Variants in NBEA observed in about 807,000 individuals in gnomAD.
NBEA encodes the protein lysosomal-trafficking regulator 2.
In NBEA, 44 loss-of-function variants were observed where a neutral mutation model predicts 343.4. The observed-to-expected ratio is 0.13, with a 90% confidence interval of 0.10 to 0.16. The LOEUF (loss-of-function observed/expected upper bound fraction) is 0.16. Ranked by LOEUF, NBEA falls within the 10% of genes least tolerant of loss-of-function variation. The probability of loss-of-function intolerance (pLI) is 1.00; values close to 1 mark genes in which losing one functional copy is unlikely to be tolerated. For missense variants in NBEA, 2,555 were observed against 3,631.3 expected, an observed-to-expected ratio of 0.70 and a Z score of 7.62; for synonymous variants, 1,175 against 1,238.7, an observed-to-expected ratio of 0.95 and a Z score of 1.08.
At chr13:34,943,670 G>C (rs1233942687) in intron 1 of NBEA, among the ~76,000 whole-genome samples, 1 of 152,222 alleles carries the variant, frequency 6.6e-6, no homozygotes, top group Non-Finnish European at 1.5e-5. Context: ...ATGATGGAGA[G>C]TGTTGTGTCT....
intron 40 of NBEA, among the ~76,000 whole-genome samples, chr13:35,457,533 CATAG>C (rs2046650916): frequency 6.6e-6 from 1 of 152,192 alleles, no homozygotes; most frequent in Non-Finnish European, 1.5e-5. Context: ...CAAATGGAAT[CATAG>C]ATAGACTTTA....
intron 41 of NBEA, among the ~76,000 whole-genome samples, chr13:35,541,897 A>G (rs2078844636): frequency 6.6e-6 from 1 of 152,096 alleles, no homozygotes; most frequent in South Asian, 2.1e-4. Context: ...ATCTCATTCA[A>G]TCGCACAATG....
At chr13:35,272,501 A>G (rs2034243972) in intron 34 of NBEA, among the ~76,000 whole-genome samples, 1 of 152,190 alleles carries the variant, frequency 6.6e-6, no homozygotes, top group African/African-American at 2.4e-5. Flanking sequence ...ATTCACACAT[A>G]ACAATATTAA....
At chr13:35,268,659 C>T (rs568829125) in intron 34 of NBEA, among the ~76,000 whole-genome samples, 2 of 152,182 alleles carry the variant, frequency 1.3e-5, no homozygotes, top group East Asian at 1.9e-4. Flanking sequence ...CAAATTTTAT[C>T]TGTAATCTTG....
chr13:35,119,950 A>G (rs1360390381), intron 16 of NBEA, among the ~76,000 whole-genome samples: 1 of 152,168 alleles, frequency 6.6e-6, no homozygotes, highest in Admixed American at 6.5e-5. Context: ...TGATTTTACA[A>G]AATAATGACA....
At chr13:35,669,210 A>C (rs1407486272) in intron 58 of NBEA, among the ~76,000 whole-genome samples, 1 of 152,220 alleles carries the variant, frequency 6.6e-6, no homozygotes, top group African/African-American at 2.4e-5. Context: ...GGTTTCTTAC[A>C]AAGTGAAAAT....
Position 35,111,120 on chromosome 13 carries a change from G to C in NBEA, c.2002+142G>C, listed in dbSNP as rs2066182053. 1.1e-5 allele frequency: 7 copies of C among 629,252 alleles called. No individual in the cohort carries two copies. In the South Asian group the frequency reaches 4.6e-4, roughly 41 times the overall value. 39.0% of individuals were successfully genotyped at this position (629,252 alleles called of 1,614,324 possible). A position where few individuals can be genotyped will look rare whatever the true frequency, so the allele number is the denominator to read the frequency against. On this transcript the variant is annotated intron_variant, in intron 13 of 58. Transcript: ENST00000379939. ...ATAGCAAACTGGCATATTGAGAATTGTTTGTGGTAAAGAAGTTTAGGGCTT... is the reference window on the plus strand; with the variant it reads ...ATAGCAAACTGGCATATTGAGAATTCTTTGTGGTAAAGAAGTTTAGGGCTT...
intron 38 of NBEA, among the ~76,000 whole-genome samples, chr13:35,390,112 C>T (rs1372200614): frequency 6.6e-6 from 1 of 151,516 alleles, no homozygotes; most frequent in East Asian, 1.9e-4. Flanking sequence ...AACTTATAGG[C>T]ATATTAGATG....
chr13:35,125,824 GCATACATACATACATA>G lies in NBEA; in HGVS notation c.2336+2271_2336+2286del, dbSNP rs148274320. On this transcript the variant is annotated intron_variant, in intron 17 of 58. Transcript: ENST00000379939. Reference sequence around the variant, plus strand: ...TTTCATAAGTTAAAAATAAACAAATGCATACATACATACATACATACATACATACATACATAGCTTC... The same window carrying G: ...TTTCATAAGTTAAAAATAAACAAATGCATACATACATACATACATAGCTTC... 1.9e-3 allele frequency among the ~76,000 whole-genome samples: 286 copies of G among 151,388 alleles called. 1 individual carries two copies. Among genetic ancestry groups the G allele is most frequent in the Middle Eastern group, 6.8e-3 (2 of 292 alleles).
At chr13:35,143,899 A>C (rs576132684) in intron 18 of NBEA, among the ~76,000 whole-genome samples, 16 of 148,810 alleles carry the variant, frequency 1.1e-4, no homozygotes, top group African/African-American at 4.1e-4. Flanking sequence ...TTCAAAAAAA[A>C]AAACAAAAAA....
At chr13:35,657,804 G>C (rs370647004) in intron 55 of NBEA, among the ~76,000 whole-genome samples, 2 of 151,960 alleles carry the variant, frequency 1.3e-5, no homozygotes, top group African/African-American at 2.4e-5. Flanking sequence ...ATTAATTACC[G>C]TCTTCAAAAT....
chr13:35,273,817 G>T (rs571212394), intron 34 of NBEA, among the ~76,000 whole-genome samples: 1 of 152,220 alleles, frequency 6.6e-6, no homozygotes, highest in South Asian at 2.1e-4. Flanking sequence ...AAAACAGGAA[G>T]AAGTTGAATC....
At chr13:35,422,202 G>A (rs545459567) in intron 38 of NBEA, among the ~76,000 whole-genome samples, 77 of 150,612 alleles carry the variant, frequency 5.1e-4, no homozygotes, top group African/African-American at 1.8e-3. Flanking sequence ...CAACGTGCAG[G>A]TTTGTTACAT....
chr13:35,650,368 G>C (rs2084456055), intron 52 of NBEA, among the ~76,000 whole-genome samples: 1 of 152,134 alleles, frequency 6.6e-6, no homozygotes, highest in African/African-American at 2.4e-5. Context: ...TTTGCAAAAA[G>C]ACAAAATCTA....
intron 21 of NBEA, among the ~76,000 whole-genome samples, chr13:35,157,935 G>A (rs1224578293): frequency 6.6e-6 from 1 of 152,094 alleles, no homozygotes; most frequent in African/African-American, 2.4e-5. Context: ...GACTCATTAA[G>A]TCTTCTTGAA....
chr13:34,947,486 A>G lies in NBEA; in HGVS notation c.294+4372A>G, dbSNP rs78896580. Among the ~76,000 whole-genome samples the G allele has an allele frequency of 8.9e-3, 1,339 of 151,074 alleles. 19 individuals carry two copies. The highest frequency in any genetic ancestry group is 0.031 in the African/African-American group (1,264 of 41,154). ...TATAGCTGTATTATAAAATTCAGTC[A>G]CCTGCATTTTTTTTTTAACTATATA... On this transcript the variant is annotated intron_variant, in intron 1 of 58. Coordinates refer to ENST00000379939, the MANE Select transcript of NBEA (RefSeq NM_001385012.1).
At chr13:35,515,669 T>C (rs551824888) in intron 41 of NBEA, among the ~76,000 whole-genome samples, 1 of 152,306 alleles carries the variant, frequency 6.6e-6, no homozygotes, top group African/African-American at 2.4e-5. Context: ...CTGAGGACAT[T>C]GTGTTAAAAA....
At chr13:35,039,896 A>G (rs866860387) in intron 1 of NBEA, among the ~76,000 whole-genome samples, 15 of 152,056 alleles carry the variant, frequency 9.9e-5, no homozygotes, top group African/African-American at 1.7e-4. Context: ...GCCACCTTCA[A>G]TGTTTTTTGG....
At chr13:35,038,367 GTGT>G in intron 1 of NBEA, among the ~76,000 whole-genome samples, 1 of 152,092 alleles carries the variant, frequency 6.6e-6, no homozygotes, top group African/African-American at 2.4e-5. Context: ...CCCTACTGTA[GTGT>G]TGTTGGTACC....
Sources: allele counts gnomAD v4.1 joint callset (sites outside exome capture counted in the v4.1 genomes callset), GRCh38; gene constraint gnomAD v4.1.1; transcripts MANE v1.5; gene names NCBI Gene and HGNC (gene_info 2026-07-23, HGNC 2026-07-21).